TANC1: variants seen among roughly 807,000 people sequenced by gnomAD.
TANC1 encodes protein TANC1.
In TANC1, 77 loss-of-function variants were observed where a neutral mutation model predicts 149.7. The ratio of observed to expected loss-of-function variants is 0.51; its 90% confidence interval spans 0.43 to 0.62. TANC1 has a LOEUF of 0.62. Ranked by LOEUF, TANC1 falls within the 20% of genes least tolerant of loss-of-function variation. The pLI is 0.00. For missense variants in TANC1, 1,985 were observed against 2,321.8 expected, an observed-to-expected ratio of 0.85 and a Z score of 2.98; for synonymous variants, 854 against 925.0, an observed-to-expected ratio of 0.92 and a Z score of 1.39.
chr2:159,196,693 C>T lies in TANC1; in HGVS notation c.3065C>T (p.Thr1022Ile). 3.7e-6 allele frequency: 6 copies of T among 1,614,126 alleles called. No individual in the cohort carries two copies. Among genetic ancestry groups the T allele is most frequent in the Non-Finnish European group, 5.1e-6 (6 of 1,180,028 alleles). Residue 1022 changes from threonine (T) to isoleucine (I), a missense_variant, in exon 18 of 27, where the codon ACT becomes ATT. Around this residue, in one of 3 missense-constraint regions of TANC1, gnomAD observed 508 missense variants for 714.2 expected, o/e 0.71. Coordinates refer to ENST00000263635, the MANE Select transcript of TANC1 (RefSeq NM_033394.3). ...GHGDILQYLL[T>I]CEWSPGPPQP... ...GGTGACATTCTCCAGTACCTGCTGA[C>T]TTGTGAGTGGTCGCCGGGTCCTCCC...
intron 16 of TANC1, among the ~76,000 whole-genome samples, chr2:159,187,378 CTT>C (rs2057075092): frequency 6.6e-6 from 1 of 152,186 alleles, no homozygotes; most frequent in Admixed American, 6.5e-5. Flanking sequence ...TGGACCATCT[CTT>C]CAGAGTTCAT....
intron 1 of TANC1, among the ~76,000 whole-genome samples, chr2:158,984,724 G>A (rs894154656): frequency 6.6e-6 from 1 of 152,098 alleles, no homozygotes; most frequent in African/African-American, 2.4e-5. Context: ...AAGCTTCAGG[G>A]AGGAGGGGGA....
intron 19 of TANC1, among the ~76,000 whole-genome samples, chr2:159,209,133 C>T (rs1429362535): frequency 6.6e-6 from 1 of 152,218 alleles, no homozygotes; most frequent in African/African-American, 2.4e-5. Flanking sequence ...TGAGCAGCAG[C>T]GCCCCAGCCT....
intron 19 of TANC1, among the ~76,000 whole-genome samples, chr2:159,204,664 A>T (rs1460666290): frequency 2.0e-5 from 3 of 152,224 alleles, no homozygotes; most frequent in Admixed American, 2.0e-4. Context: ...CCCCAGGGCT[A>T]CGCTTCCCTA....
At chr2:159,098,450 T>C (rs1472575470) in intron 4 of TANC1, among the ~76,000 whole-genome samples, 4 of 152,236 alleles carry the variant, frequency 2.6e-5, no homozygotes, top group Non-Finnish European at 5.9e-5. Flanking sequence ...GAATGTATCC[T>C]CATCATTAAG....
intron 2 of TANC1, among the ~76,000 whole-genome samples, chr2:159,033,826 C>T (rs1178349983): frequency 2.0e-5 from 3 of 152,138 alleles, no homozygotes. Flanking sequence ...CCTGCATGTG[C>T]GCCAGCTGGT....
At chr2:159,224,402 T>C in intron 23 of TANC1, 38 bp downstream of exon 23, 2 of 1,611,432 alleles carry the variant, frequency 1.2e-6, no homozygotes, top group Non-Finnish European at 1.7e-6. Context: ...GGAGGAGCGG[T>C]GAGCTCCCGA....
chr2:159,156,273 A>G (rs942892649), intron 7 of TANC1, among the ~76,000 whole-genome samples: 5 of 152,336 alleles, frequency 3.3e-5, no homozygotes, highest in African/African-American at 2.4e-5. Flanking sequence ...CCTTAATTAT[A>G]GAAGCCTTTT....
intron 7 of TANC1, among the ~76,000 whole-genome samples, chr2:159,157,789 A>G (rs946826682): frequency 6.6e-6 from 1 of 152,198 alleles, no homozygotes. Context: ...AGCTAAATAC[A>G]GAGGTTAAAA....
intron 19 of TANC1, among the ~76,000 whole-genome samples, chr2:159,207,197 A>C (rs1002259199): frequency 6.6e-6 from 1 of 152,200 alleles, no homozygotes; most frequent in Non-Finnish European, 1.5e-5. Flanking sequence ...TTGAGCTACT[A>C]CTGTGGCTGT....
intron 1 of TANC1, among the ~76,000 whole-genome samples, chr2:158,971,803 C>T (rs6747980): frequency 1.7e-4 from 26 of 152,248 alleles, no homozygotes; most frequent in African/African-American, 6.0e-4. Context: ...ACATTTTATC[C>T]CTAACCCTTT....
chr2:159,006,200 G>A (rs892027223), intron 2 of TANC1, among the ~76,000 whole-genome samples: 3 of 151,618 alleles, frequency 2.0e-5, no homozygotes, highest in Non-Finnish European at 2.9e-5. Flanking sequence ...CGGAGGCTGA[G>A]GCAGAAGATC....
chr2:159,184,086 T>C (rs1350187680), intron 14 of TANC1, among the ~76,000 whole-genome samples: 1 of 152,250 alleles, frequency 6.6e-6, no homozygotes, highest in Non-Finnish European at 1.5e-5. Flanking sequence ...TTCTGTCATC[T>C]AGCCATGTGG....
At chr2:159,174,869 G>A in intron 11 of TANC1, 84 bp from the exon 12 acceptor site, 1 of 1,031,914 alleles carries the variant, frequency 9.7e-7, no homozygotes, top group Non-Finnish European at 1.5e-6. Flanking sequence ...CCAGCGAATG[G>A]GCAGAGTTGT....
rs1158925473 is a variant in TANC1, at chr2:159,001,456, A to C, written c.-16+267A>C. On this transcript the variant is annotated intron_variant, in intron 2 of 26. Coordinates refer to ENST00000263635, the MANE Select transcript of TANC1 (RefSeq NM_033394.3). The surrounding 1 kb of genome is among the most constrained non-coding windows in gnomAD (Gnocchi z 4.3). ...ATAGGTGGATGGTGCTGATGGTTGC[A>C]GAAGGACGTGCTTAGTGCTACTGAA... 1.3e-5 allele frequency among the ~76,000 whole-genome samples: 2 copies of C among 152,216 alleles called. No homozygotes were observed. The highest frequency in any genetic ancestry group is 4.8e-5 in the African/African-American group (2 of 41,462).
chr2:159,017,265 G>A (rs2038375162), intron 2 of TANC1, among the ~76,000 whole-genome samples: 1 of 152,182 alleles, frequency 6.6e-6, no homozygotes, highest in South Asian at 2.1e-4. Context: ...CTGCCAGGTA[G>A]TTCTTGAGTT....
At chr2:159,086,038 G>C (rs968858976) in intron 3 of TANC1, among the ~76,000 whole-genome samples, 2 of 152,140 alleles carry the variant, frequency 1.3e-5, no homozygotes, top group African/African-American at 4.8e-5. Flanking sequence ...GTATCCTGTG[G>C]TTAGTTGTTG....
chr2:159,087,426 T>C (rs541435309), intron 3 of TANC1, among the ~76,000 whole-genome samples: 1 of 152,120 alleles, frequency 6.6e-6, no homozygotes, highest in East Asian at 1.9e-4. Context: ...GTGCTTTTTT[T>C]CTCCCTCAAG....
chr2:159,078,818 C>A (rs184399228), intron 3 of TANC1, among the ~76,000 whole-genome samples: 1 of 152,178 alleles, frequency 6.6e-6, no homozygotes, highest in East Asian at 1.9e-4. Flanking sequence ...AATATGCCTA[C>A]AGTTTTCTTT....
Sources: allele counts gnomAD v4.1 joint callset (sites outside exome capture counted in the v4.1 genomes callset), GRCh38; gene constraint gnomAD v4.1.1; regional missense constraint gnomAD v4.1.1; non-coding constraint Gnocchi (gnomAD v3.1); transcripts MANE v1.5; gene names NCBI Gene and HGNC (gene_info 2026-07-23, HGNC 2026-07-21).